The following PCYT1B variants were observed in gnomAD, a reference collection of about 807,000 sequenced individuals.
The protein encoded by PCYT1B is phosphate cytidylyltransferase 1B, choline, also known as choline-phosphate cytidylyltransferase B.
Under a neutral mutation model 26.4 loss-of-function variants are expected in PCYT1B, and 10 were observed. The ratio of observed to expected loss-of-function variants is 0.38; its 90% CI spans 0.23 to 0.64. The LOEUF (loss-of-function observed/expected upper bound fraction) is 0.64, where lower values mean the gene tolerates loss of function less well. Among genes scored for constraint, PCYT1B ranks in the 30% least tolerant of loss-of-function variants. The probability of loss-of-function intolerance (pLI) is 0.56; values close to 1 mark genes in which losing one functional copy is unlikely to be tolerated. For synonymous variants in PCYT1B, 131 were observed against 108.4 expected (o/e 1.21, Z -1.29); for missense variants, 161 against 292.7 (o/e 0.55, Z 3.28).
intron 3 of PCYT1B, among the ~76,000 whole-genome samples, chrX:24,597,341 T>G (rs1924821050): frequency 9.0e-6 from 1 of 111,036 alleles, no homozygotes; most frequent in African/African-American, 3.3e-5. Context: ...GTCAGGCTGG[T>G]CCCGAACTCC....
At chrX:24,573,329 A>T (rs1289635972) in intron 7 of PCYT1B, among the ~76,000 whole-genome samples, 1 of 110,307 alleles carries the variant, frequency 9.1e-6, no homozygotes, top group Non-Finnish European at 1.9e-5. Flanking sequence ...ACACCTGGCT[A>T]ATTTTTTTGT....
intron 1 of PCYT1B, among the ~76,000 whole-genome samples, chrX:24,652,537 C>T (rs770308739): frequency 2.6e-4 from 28 of 106,249 alleles, no homozygotes; most frequent in African/African-American, 8.7e-4. Flanking sequence ...CCAGCCTGGG[C>T]GACAAGAGCG....
intron 1 of PCYT1B, among the ~76,000 whole-genome samples, chrX:24,653,473 G>T (rs1348349121): frequency 9.0e-6 from 1 of 111,699 alleles, no homozygotes; most frequent in Non-Finnish European, 1.9e-5. Context: ...AGAAGTCAGT[G>T]TATAAATACC....
At chrX:24,619,955 C>T (rs1455967496) in intron 1 of PCYT1B, among the ~76,000 whole-genome samples, 2 of 112,840 alleles carry the variant, frequency 1.8e-5, no homozygotes, top group African/African-American at 3.2e-5. Context: ...AAGGCAAATG[C>T]AATCCAGAGT....
intron 3 of PCYT1B, among the ~76,000 whole-genome samples, chrX:24,600,552 A>G (rs1298805218): frequency 9.0e-6 from 1 of 111,367 alleles, no homozygotes; most frequent in Non-Finnish European, 1.9e-5. Context: ...CCAGGGGACA[A>G]ATACTTTTGT....
chrX:24,584,500 G>A (rs776820987), intron 5 of PCYT1B, among the ~76,000 whole-genome samples: 1 of 111,409 alleles, frequency 9.0e-6, no homozygotes, highest in Non-Finnish European at 1.9e-5. Context: ...ACAAGATTGA[G>A]ACTTGAGAAT....
chrX:24,667,591 C>T (rs1927153834), intron 1 of PCYT1B, among the ~76,000 whole-genome samples: 1 of 110,031 alleles, frequency 9.1e-6, no homozygotes, highest in Admixed American at 9.8e-5. Flanking sequence ...GTGGTGGGTG[C>T]CTGTAATCCC....
chrX:24,617,375 T>G (rs112521331), intron 2 of PCYT1B, among the ~76,000 whole-genome samples: 60 of 95,922 alleles, frequency 6.3e-4, no homozygotes, highest in Middle Eastern at 5.0e-3. Flanking sequence ...TTGTTTGTTT[T>G]TTTTTTTGTT....
intron 3 of PCYT1B, among the ~76,000 whole-genome samples, chrX:24,606,412 A>G (rs1925136559): frequency 8.9e-6 from 1 of 112,053 alleles, no homozygotes; most frequent in African/African-American, 3.2e-5. Context: ...GAAGTAAGCA[A>G]GGGTTGGGTT....
chrX:24,581,793 C>T (rs1924214536), intron 5 of PCYT1B, among the ~76,000 whole-genome samples: 1 of 112,311 alleles, frequency 8.9e-6, no homozygotes, highest in Admixed American at 9.4e-5. Flanking sequence ...CCTTCCAAAC[C>T]CAGTTCTCTC....
At chrX:24,636,256 C>T (rs997281213) in intron 1 of PCYT1B, among the ~76,000 whole-genome samples, 1 of 112,358 alleles carries the variant, frequency 8.9e-6, no homozygotes, top group African/African-American at 3.2e-5. Flanking sequence ...TGTTCCCTTT[C>T]TTCATTATTG....
rs776619143 is a variant in PCYT1B, at chrX:24,662,485, G to A, written c.63+10085C>T. ...AATGGCTCTGCCCCGGCACCCTGAT[G>A]ACCTTGAATGTGTCCATAGAGGCAA... On this transcript the variant is annotated intron_variant, in intron 1 of 7. Coordinates refer to the PCYT1B transcript ENST00000379145. Among the ~76,000 whole-genome samples the A allele has an allele frequency of 2.7e-5, 3 of 111,548 alleles. 1 individual carries two copies. Among genetic ancestry groups the A allele is most frequent in the African/African-American group, 9.8e-5 (3 of 30,718 alleles).
At position 24,582,713 on chromosome X, in the gene PCYT1B, G is replaced by A. The variant is rs779497099; in HGVS notation, c.566-3255C>T. 5.2e-3 allele frequency among the ~76,000 whole-genome samples: 578 copies of A among 112,190 alleles called. 13 individuals are homozygous for A. Among genetic ancestry groups the A allele is most frequent in the Admixed American group, 0.049 (513 of 10,574 alleles). ...GGATTTTGACACATAGTTCTGACAA[G>A]CAGAGCAGAGTGTTGTAAAGCTTAA... On this transcript the variant is annotated intron_variant, in intron 5 of 7. Coordinates refer to ENST00000379144, the MANE Select transcript of PCYT1B (RefSeq NM_004845.5).
At chrX:24,650,632 A>G (rs953009813), upstream of PCYT1B, among the ~76,000 whole-genome samples, 2 of 112,002 alleles carry the variant, frequency 1.8e-5, no homozygotes, top group Admixed American at 1.9e-4. Flanking sequence ...AAGAATCATT[A>G]TGTATCTTGA....
At chrX:24,644,747 A>G (rs1569256304) in intron 1 of PCYT1B, among the ~76,000 whole-genome samples, 1 of 111,361 alleles carries the variant, frequency 9.0e-6, no homozygotes, top group African/African-American at 3.3e-5. Flanking sequence ...CACCTGGAAT[A>G]AGCTGTCACG....
In PCYT1B at chrX:24,671,341, G is replaced by GAGTC. The variant is rs1555967560; in HGVS notation, c.63+1228_63+1229insGACT. ...GGCATGAATGAATGAATGAATGAAT[G>GAGTC]AATCAATCAATCAATCAATCAATGC... On this transcript the variant is annotated intron_variant, in intron 1 of 7. Transcript: ENST00000379145. Among the ~76,000 whole-genome samples the GAGTC allele has an allele frequency of 7.0e-3, 722 of 103,004 alleles. 4 individuals carry two copies. The highest frequency in any genetic ancestry group is 0.025 in the African/African-American group (688 of 27,836). The allele number at this position is 103,004 out of a possible 115,157, so 89.4% of individuals were successfully genotyped here.
intron 1 of PCYT1B, among the ~76,000 whole-genome samples, chrX:24,640,121 G>T (rs1011192951): frequency 2.7e-5 from 3 of 111,588 alleles, no homozygotes; most frequent in African/African-American, 9.8e-5. Flanking sequence ...CCACCTCTGG[G>T]TACTGTACAT....
intron 7 of PCYT1B, among the ~76,000 whole-genome samples, chrX:24,566,970 A>G (rs1256932547): frequency 1.8e-5 from 2 of 112,505 alleles, no homozygotes; most frequent in Non-Finnish European, 3.7e-5. Flanking sequence ...GCAGTACAAC[A>G]GCACTCCCTT....
At chrX:24,572,503 C>T (rs1923864913) in intron 7 of PCYT1B, among the ~76,000 whole-genome samples, 1 of 111,657 alleles carries the variant, frequency 9.0e-6, no homozygotes, top group African/African-American at 3.3e-5. Context: ...TTGTGCCTTT[C>T]CAAGTTTGGG....
Sources: allele counts gnomAD v4.1 joint callset (sites outside exome capture counted in the v4.1 genomes callset), GRCh38; gene constraint gnomAD v4.1.1; transcripts MANE v1.5; gene names NCBI Gene and HGNC (gene_info 2026-07-23, HGNC 2026-07-21).